Variants in RERG observed in about 807,000 individuals in gnomAD.
The protein encoded by RERG is RAS like estrogen regulated growth inhibitor.
Under a neutral mutation model 23.2 loss-of-function variants are expected in RERG, and 25 were observed. The ratio of observed to expected loss-of-function variants is 1.08; its 90% CI spans 0.79 to 1.50. The LOEUF (loss-of-function observed/expected upper bound fraction) is 1.50. Ranked by LOEUF, RERG falls within the 40% of genes most tolerant of loss-of-function variation. The pLI is 0.00. For missense variants in RERG, 253 were observed against 250.1 expected (o/e 1.01, Z -0.08); for synonymous variants, 81 against 89.1 (o/e 0.91, Z 0.51).
chr12:15,202,048 A>G (rs1378313055), intron 2 of RERG, among the ~76,000 whole-genome samples: 1 of 151,804 alleles, frequency 6.6e-6, no homozygotes, highest in East Asian at 1.9e-4. Context: ...ATCAACATTT[A>G]GTTCCTATCC....
intron 1 of RERG, among the ~76,000 whole-genome samples, chr12:15,218,718 T>C (rs936564930): frequency 2.0e-5 from 3 of 151,982 alleles, no homozygotes; most frequent in African/African-American, 4.8e-5. Flanking sequence ...TCCTAGCATC[T>C]AGTAGGACCC....
At position 15,221,389 on chromosome 12, in the gene RERG, C is replaced by T. The variant is rs1478025913; in HGVS notation, c.-309G>A. The T allele has an allele frequency of 6.6e-6, 1 of 152,234 alleles. No individual in the cohort carries two copies. Among genetic ancestry groups the T allele is most frequent in the East Asian group, 1.9e-4 (1 of 5,164 alleles). The allele number at this position is 152,234 out of a possible 1,614,324, so 9.4% of individuals were successfully genotyped here. ...CCCGGCGGGGGTCTCCTCACTCGCG[C>T]TCGCTCCGACTAGCGGCGGAGGGAC... is the stretch of plus-strand genomic sequence containing the variant. On this transcript the variant is annotated 5_prime_UTR_variant, in exon 1 of 5. Transcript: ENST00000256953.
intron 2 of RERG, chr12:15,155,174 T>C (rs1864503455): frequency 6.6e-6 from 1 of 152,106 alleles, no homozygotes; most frequent in South Asian, 2.1e-4. Flanking sequence ...CACCACTGTG[T>C]TTTTTCATCT....
chr12:15,116,441 C>G (rs1863722907), intron 3 of RERG, among the ~76,000 whole-genome samples: 1 of 152,106 alleles, frequency 6.6e-6, no homozygotes, highest in Admixed American at 6.5e-5. Context: ...CAGAATGCCA[C>G]AGTAGGAGGG....
At chr12:15,168,661 A>T (rs1864731147) in intron 2 of RERG, among the ~76,000 whole-genome samples, 1 of 152,128 alleles carries the variant, frequency 6.6e-6, no homozygotes, top group South Asian at 2.1e-4. Context: ...CAGTTTCTCA[A>T]ATGTGTGCTG....
intron 2 of RERG, among the ~76,000 whole-genome samples, chr12:15,143,501 C>A (rs1864276322): frequency 6.6e-6 from 1 of 152,044 alleles, no homozygotes; most frequent in South Asian, 2.1e-4. Flanking sequence ...TGTATTCATT[C>A]ATGAAACAAA....
chr12:15,130,928 T>A (rs564523035), intron 2 of RERG, among the ~76,000 whole-genome samples: 2 of 152,242 alleles, frequency 1.3e-5, no homozygotes, highest in South Asian at 4.1e-4. Flanking sequence ...CTTTTTTTTT[T>A]AACTTGGAAA....
At chr12:15,111,141 C>G (rs1863605717) in intron 4 of RERG, 1 of 445,510 alleles carries the variant, frequency 2.2e-6, no homozygotes, top group East Asian at 3.6e-5. Context: ...TCAAAACCCC[C>G]TTGAAACACT....
Position 15,164,829 on chromosome 12 carries a change from C to G in RERG, c.62-43710G>C, listed in dbSNP as rs572053872. Among the ~76,000 whole-genome samples, 25 of 152,266 alleles carry G rather than the reference C, an allele frequency of 1.6e-4. No homozygotes were observed. The Middle Eastern group carries it at 0.017, about 104-fold the overall frequency. On this transcript the variant is annotated intron_variant, in intron 2 of 4. Coordinates refer to ENST00000256953, the MANE Select transcript of RERG (RefSeq NM_032918.3). Reference sequence around the variant, plus strand: ...GTATGAGAATAAGATAGAGTTAAAACAAAATTTCCTTTGGAAAATTGACCT... The same window carrying G: ...GTATGAGAATAAGATAGAGTTAAAAGAAAATTTCCTTTGGAAAATTGACCT...
rs774878020 is a variant in RERG, at chr12:15,111,350, A to C, written c.186T>G (p.Ala62=). 1 of 1,609,332 alleles carries C rather than the reference A, an allele frequency of 6.2e-7. No individual in the cohort carries two copies. The highest frequency in any genetic ancestry group is 8.5e-7 in the Non-Finnish European group (1 of 1,176,316). The part of the protein sequence containing the change: ...EVVSMEILDT[A]GQEDTIQREG... ...AGCTGAACTCTTTATTCACCTGACC[A>C]GCAGTGTCTAGTATCTCCATGGAAA... The change falls in exon 4 of 5, where the codon GCT becomes GCG. Residue 62 remains alanine, a synonymous_variant. Transcript: ENST00000256953.
chr12:15,218,481 G>A (rs532016999), intron 1 of RERG, among the ~76,000 whole-genome samples: 3 of 152,106 alleles, frequency 2.0e-5, no homozygotes, highest in Non-Finnish European at 2.9e-5. Context: ...CTTTCCTTAG[G>A]ACATAACAAT....
At chr12:15,149,990 T>C (rs972616946) in intron 2 of RERG, among the ~76,000 whole-genome samples, 1 of 152,160 alleles carries the variant, frequency 6.6e-6, no homozygotes, top group Admixed American at 6.5e-5. Context: ...TGCATTTGCA[T>C]ATGCAGGGTA....
chr12:15,135,130 C>T (rs1864121432), intron 2 of RERG, among the ~76,000 whole-genome samples: 1 of 152,148 alleles, frequency 6.6e-6, no homozygotes, highest in Non-Finnish European at 1.5e-5. Context: ...AGGTCTTGCA[C>T]ATAGGTCTCG....
At chr12:15,180,822 A>C (rs1864913678) in intron 2 of RERG, among the ~76,000 whole-genome samples, 1 of 152,172 alleles carries the variant, frequency 6.6e-6, no homozygotes, top group Non-Finnish European at 1.5e-5. Flanking sequence ...TGTGAGTAGG[A>C]AGCAGAATTT....
rs372095343 is a variant in RERG, at chr12:15,159,777, T to C, written c.62-38658A>G. 7.9e-5 allele frequency among the ~76,000 whole-genome samples: 12 copies of C among 152,288 alleles called. No homozygotes were observed. In the East Asian group the frequency reaches 1.9e-3, roughly 25 times the overall value. On this transcript the variant is annotated intron_variant, in intron 2 of 4. Coordinates refer to ENST00000256953, the MANE Select transcript of RERG (RefSeq NM_032918.3). ...AGGCGTAGCTTGCAGTGAGCCGAGA[T>C]TGTGCCACTGCACTCCAGCCTGGGC...
intron 2 of RERG, among the ~76,000 whole-genome samples, chr12:15,149,116 G>A (rs1286564575): frequency 4.6e-5 from 7 of 151,580 alleles, no homozygotes; most frequent in African/African-American, 1.7e-4. Context: ...TAATCCGCCC[G>A]CCTCGGTTTC....
chr12:15,187,883 A>G (rs1865015904), intron 2 of RERG, among the ~76,000 whole-genome samples: 1 of 152,084 alleles, frequency 6.6e-6, no homozygotes, highest in Admixed American at 6.6e-5. Context: ...GAGTTATACT[A>G]GATGAATTAC....
At chr12:15,175,333 C>CTG (rs532399275) in intron 2 of RERG, among the ~76,000 whole-genome samples, 12,903 of 112,032 alleles carry the variant, frequency 0.12, 751 homozygotes, top group Admixed American at 0.14. Flanking sequence ...CTCTCAGGCT[C>CTG]TGTGTGTGTG....
intron 2 of RERG, among the ~76,000 whole-genome samples, chr12:15,172,482 A>G (rs1864790764): frequency 6.6e-6 from 1 of 151,986 alleles, no homozygotes; most frequent in Admixed American, 6.6e-5. Flanking sequence ...TTTCTATTGG[A>G]TATGTATCTA....
Sources: gnomAD v4.1 joint callset for allele counts (sites outside exome capture counted in the v4.1 genomes callset) on GRCh38, gnomAD v4.1.1 for gene constraint, MANE v1.5 for transcripts, NCBI Gene and HGNC (gene_info 2026-07-23, HGNC 2026-07-21) for gene names.